Variants in MINDY4 observed in about 807,000 individuals in gnomAD.
MINDY4 encodes the protein probable ubiquitin carboxyl-terminal hydrolase MINDY-4.
A neutral mutation model predicts 87.0 loss-of-function variants in MINDY4; 68 were observed. The ratio of observed to expected loss-of-function variants is 0.78; its 90% CI spans 0.64 to 0.96. The LOEUF is 0.96. MINDY4 is among the 40% of genes least tolerant of loss of function. The pLI, the probability that MINDY4 is intolerant of heterozygous loss-of-function variation, is 0.00. For synonymous variants in MINDY4, 379 were observed against 363.2 expected, an observed-to-expected ratio of 1.04 and a Z score of -0.50; for missense variants, 919 against 928.2, an observed-to-expected ratio of 0.99 and a Z score of 0.13.
chr7:30,839,381 C>A, intron 8 of MINDY4, 65 bp downstream of exon 8: 1 of 1,002,208 alleles, frequency 1.0e-6, no homozygotes, highest in Non-Finnish European at 1.5e-6. Context: ...GGTGGGTGTA[C>A]CTCCCAGTTT....
At chr7:30,856,234 C>A (rs1345891870) in intron 12 of MINDY4, among the ~76,000 whole-genome samples, 1 of 152,140 alleles carries the variant, frequency 6.6e-6, no homozygotes, top group East Asian at 1.9e-4. Context: ...AGGCCAGTTG[C>A]CTTGCCTGAC....
At chr7:30,822,445 A>G (rs1340664436) in intron 5 of MINDY4, among the ~76,000 whole-genome samples, 2 of 152,150 alleles carry the variant, frequency 1.3e-5, no homozygotes, top group African/African-American at 4.8e-5. Context: ...TGTTGGGATT[A>G]CAGGTGTGAA....
At chr7:30,775,543 A>G (rs1382378702) in intron 1 of MINDY4, among the ~76,000 whole-genome samples, 1 of 152,232 alleles carries the variant, frequency 6.6e-6, no homozygotes, top group African/African-American at 2.4e-5. Flanking sequence ...TCTGCTATAT[A>G]GGAATGTTTG....
intron 9 of MINDY4, among the ~76,000 whole-genome samples, chr7:30,850,189 T>A (rs538381594): frequency 6.6e-6 from 1 of 152,276 alleles, no homozygotes; most frequent in African/African-American, 2.4e-5. Context: ...CCCTCTTTGC[T>A]CCTGTGGGCC....
chr7:30,777,461 T>A (rs1786859651), intron 1 of MINDY4, among the ~76,000 whole-genome samples: 1 of 152,220 alleles, frequency 6.6e-6, no homozygotes, highest in Admixed American at 6.5e-5. Context: ...TATCCATTTC[T>A]TTCCATTTCC....
rs371525007 is a variant in MINDY4 at position 30,771,529 on chromosome 7, C to G, written c.36C>G (p.Ser12=). Residue 12 remains serine (S), a synonymous_variant, in exon 1 of 18, where the codon TCC becomes TCG. Transcript: ENST00000265299. ...DSLFVEEVAA[S]LVREFLSRKG... is the part of the protein sequence containing the mutation. The stretch of plus-strand genomic sequence containing the variant: ...TCTTCGTGGAGGAGGTGGCCGCCTC[C>G]TTGGTCAGGGAGTTCCTCAGCAGAA... 1,009 of 1,604,296 alleles carry G rather than the reference C, an allele frequency of 6.3e-4. 6 individuals carry two copies. In the African/African-American group the frequency reaches 0.012, roughly 19 times the overall value.
At chr7:30,869,549 C>T (rs902270217) in intron 13 of MINDY4, among the ~76,000 whole-genome samples, 2 of 152,138 alleles carry the variant, frequency 1.3e-5, no homozygotes, top group African/African-American at 4.8e-5. Flanking sequence ...CCCGGGCTCG[C>T]AGGTGGCCAC....
chr7:30,813,485 G>C (rs1001430536), intron 5 of MINDY4, among the ~76,000 whole-genome samples: 30 of 152,154 alleles, frequency 2.0e-4, no homozygotes, highest in Non-Finnish European at 3.1e-4. Context: ...GCCCTCACCT[G>C]CTGGGTTTTC....
intron 12 of MINDY4, chr7:30,858,567 A>G (rs1383429237): frequency 6.6e-6 from 1 of 152,144 alleles, no homozygotes; most frequent in Non-Finnish European, 1.5e-5. Context: ...AATCTCAGAA[A>G]TTAGCAAAAC....
intron 5 of MINDY4, among the ~76,000 whole-genome samples, chr7:30,797,136 C>T (rs1207301678): frequency 2.0e-5 from 3 of 152,080 alleles, no homozygotes; most frequent in Non-Finnish European, 4.4e-5. Context: ...AATCAAGGTC[C>T]CCATCCCTGG....
At chr7:30,821,677 C>T (rs1788334986) in intron 5 of MINDY4, among the ~76,000 whole-genome samples, 1 of 152,080 alleles carries the variant, frequency 6.6e-6, no homozygotes. Context: ...TTCTTTCATT[C>T]TGGAGCTTCT....
chr7:30,890,520 C>A (rs571962657), intron 17 of MINDY4, among the ~76,000 whole-genome samples: 1 of 152,328 alleles, frequency 6.6e-6, no homozygotes, highest in Admixed American at 6.5e-5. Context: ...GACAAGAAAT[C>A]TTTCTGCTCA....
At chr7:30,841,062 T>C (rs975384217) in intron 9 of MINDY4, among the ~76,000 whole-genome samples, 1 of 152,160 alleles carries the variant, frequency 6.6e-6, no homozygotes, top group African/African-American at 2.4e-5. Flanking sequence ...GGGAGGGTTC[T>C]CAGTGGTGCT....
intron 4 of MINDY4, among the ~76,000 whole-genome samples, chr7:30,787,500 C>G (rs1787191527): frequency 6.6e-6 from 1 of 152,218 alleles, no homozygotes; most frequent in Non-Finnish European, 1.5e-5. Flanking sequence ...CAATCTTGAG[C>G]TTAGTCTGTA....
At chr7:30,822,886 G>A (rs181126519) in intron 5 of MINDY4, among the ~76,000 whole-genome samples, 199 of 151,682 alleles carry the variant, frequency 1.3e-3, no homozygotes, top group Non-Finnish European at 1.9e-3. Flanking sequence ...TCAAGCAGTC[G>A]GCCCACCTTG....
At chr7:30,883,330 G>A (rs1354552143) in intron 17 of MINDY4, among the ~76,000 whole-genome samples, 2 of 152,214 alleles carry the variant, frequency 1.3e-5, no homozygotes, top group Non-Finnish European at 2.9e-5. Context: ...AAGGAGGCAG[G>A]ACAGGGGTGC....
chr7:30,782,375 T>C (rs2128166100), intron 3 of MINDY4, among the ~76,000 whole-genome samples, 163 bp downstream of exon 3: 1 of 151,764 alleles, frequency 6.6e-6, no homozygotes, highest in South Asian at 2.1e-4. Context: ...TGTGTGTGCA[T>C]GTATCTATAT....
At chr7:30,801,258 A>G (rs1787642359) in intron 5 of MINDY4, among the ~76,000 whole-genome samples, 1 of 152,140 alleles carries the variant, frequency 6.6e-6, no homozygotes, top group African/African-American at 2.4e-5. Context: ...TAATGGGGAG[A>G]ATTTTCATTT....
chr7:30,786,076 G>T (rs765640812), intron 4 of MINDY4, 84 bp downstream of exon 4: 10 of 1,561,220 alleles, frequency 6.4e-6, no homozygotes, highest in Non-Finnish European at 8.7e-6. Flanking sequence ...TTTATTTGGG[G>T]TACCCCACAG....
Sources: gnomAD v4.1 joint callset for allele counts (sites outside exome capture counted in the v4.1 genomes callset) on GRCh38, gnomAD v4.1.1 for gene constraint, MANE v1.5 for transcripts, NCBI Gene and HGNC (gene_info 2026-07-23, HGNC 2026-07-21) for gene names.